The following DLEC1 variants were observed in gnomAD, a reference collection of about 807,000 sequenced individuals.
DLEC1 encodes DLEC1 cilia and flagella associated protein, also known as deleted in lung and esophageal cancer protein 1.
DLEC1 carries 146 observed loss-of-function variants against 198.1 expected under a neutral mutation model. That is an observed-to-expected ratio of 0.74 (90% CI 0.64 to 0.85). The LOEUF (loss-of-function observed/expected upper bound fraction) is 0.85, where lower values mean the gene tolerates loss of function less well. Among genes scored for constraint, DLEC1 ranks in the 40% least tolerant of loss-of-function variants. The pLI is 0.00. For missense variants in DLEC1, 2,233 were observed against 2,220.0 expected (o/e 1.01, Z -0.12); for synonymous variants, 897 against 866.8 (o/e 1.03, Z -0.61).
rs559962829 is a variant in DLEC1, at chr3:38,079,315, A to C, written c.1174-4843A>C. ...TTAAAAGAGTATTGTCTAAGTTAGC[A>C]CCAGAGTTGGGGAGTTTTAAGAGGT... On this transcript the variant is annotated intron_variant, in intron 6 of 36. Transcript: ENST00000308059. Among the ~76,000 whole-genome samples the C allele has an allele frequency of 2.7e-3, 406 of 152,232 alleles. 1 individual carries two copies. Among genetic ancestry groups the C allele is most frequent in the African/African-American group, 9.4e-3 (389 of 41,486 alleles).
chr3:38,122,838 A>AG lies in DLEC1; in HGVS notation c.*429dup. 1.2e-6 allele frequency: 1 copy of AG among 810,188 alleles called. No homozygotes were observed. The highest frequency in any genetic ancestry group is 2.7e-5 in the East Asian group (1 of 36,714). The allele number at this position is 810,188 out of a possible 1,614,324, so 50.2% of individuals were successfully genotyped here. On this transcript the variant is annotated 3_prime_UTR_variant, in exon 37 of 37. Coordinates refer to ENST00000308059, the MANE Select transcript of DLEC1 (RefSeq NM_007335.4). ...CTGCTTTTATCTTGCACAGCTAAAG[A>AG]GGGTCTGATGGGTGGCTCAACACCC...
intron 11 of DLEC1, among the ~76,000 whole-genome samples, chr3:38,093,265 G>T (rs181311387): frequency 6.6e-6 from 1 of 152,146 alleles, no homozygotes; most frequent in African/African-American, 2.4e-5. Context: ...CCTAGGAATC[G>T]TGACAAGATG....
intron 12 of DLEC1, 48 bp downstream of exon 12, chr3:38,093,815 T>C (rs1698871289): frequency 6.2e-7 from 1 of 1,604,296 alleles, no homozygotes; most frequent in Non-Finnish European, 8.5e-7. Context: ...TCTTCTTGCT[T>C]ACCTGGCCCT....
intron 6 of DLEC1, among the ~76,000 whole-genome samples, chr3:38,081,193 GA>G: frequency 7.1e-6 from 1 of 140,006 alleles, no homozygotes; most frequent in African/African-American, 2.7e-5. Flanking sequence ...AGAACAAAAT[GA>G]AAAGTCTCCC....
At chr3:38,084,518 G>GGTGGTGGTA (rs1698304540) in intron 7 of DLEC1, among the ~76,000 whole-genome samples, 1 of 78,222 alleles carries the variant, frequency 1.3e-5, no homozygotes, top group Non-Finnish European at 2.8e-5. Context: ...TAGTAGTAGT[G>GGTGGTGGTA]GTAGTAGTAG....
In DLEC1 at chr3:38,112,818, C is replaced by G. The variant is rs1033709675; in HGVS notation, c.3666+457C>G. Among the ~76,000 whole-genome samples, 3 of 152,108 alleles carry G rather than the reference C, an allele frequency of 2.0e-5. No individual in the cohort carries two copies. The highest frequency in any genetic ancestry group is 4.4e-5 in the Non-Finnish European group (3 of 68,016). ...ATGGAGTATCTACTGTGTGTGGGTT[C>G]CTGTGTGGGCCGCTGTAGTGTGGAG... On this transcript the variant is annotated intron_variant, in intron 25 of 36. Transcript: ENST00000308059. This position sits in a 1 kb window ranked among gnomAD's most constrained non-coding sequence, Gnocchi z 4.8.
intron 2 of DLEC1, among the ~76,000 whole-genome samples, chr3:38,055,607 G>A (rs1310520281): frequency 6.6e-6 from 1 of 152,106 alleles, no homozygotes; most frequent in Non-Finnish European, 1.5e-5. Flanking sequence ...GAGACTCAAG[G>A]AACTCACTGA....
intron 1 of DLEC1, 142 bp downstream of exon 1, chr3:38,039,778 G>C (rs890270175): frequency 8.8e-7 from 1 of 1,130,016 alleles, no homozygotes; most frequent in African/African-American, 1.6e-5. Context: ...AAGTGGGCCC[G>C]ACATTCTAGT....
chr3:38,068,551 C>A (rs1426070475), intron 6 of DLEC1, among the ~76,000 whole-genome samples: 7 of 152,196 alleles, frequency 4.6e-5, no homozygotes, highest in African/African-American at 1.7e-4. Context: ...CTAATGAGAA[C>A]AGTGTCAAAG....
chr3:38,082,774 C>G (rs1387022861), intron 6 of DLEC1, among the ~76,000 whole-genome samples: 1 of 151,448 alleles, frequency 6.6e-6, no homozygotes, highest in Non-Finnish European at 1.5e-5. Context: ...GGTTGGGGTA[C>G]TTGCCCCTCC....
Position 38,095,083 on chromosome 3 carries a change from G to A in DLEC1, c.2112+12G>A. 6.2e-7 allele frequency: 1 copy of A among 1,613,632 alleles called. No individual in the cohort carries two copies. Among genetic ancestry groups the A allele is most frequent in the Non-Finnish European group, 8.5e-7 (1 of 1,179,628 alleles). On this transcript the variant is annotated intron_variant, in intron 13 of 36. Transcript: ENST00000308059. The stretch of plus-strand genomic sequence containing the variant: ...TTTCTCCTCATGAGGTTCAGATGGT[G>A]TCATCTCAGTAGCCACACATGGTTG...
At chr3:38,117,422 A>G in intron 31 of DLEC1, 105 bp from the exon 32 acceptor site, 1 of 1,599,010 alleles carries the variant, frequency 6.3e-7, no homozygotes, top group Non-Finnish European at 8.6e-7. Flanking sequence ...AGAAGTCAGC[A>G]GAGGAGCCCA....
intron 6 of DLEC1, among the ~76,000 whole-genome samples, chr3:38,071,678 C>G (rs143952889): frequency 2.0e-5 from 3 of 152,162 alleles, no homozygotes; most frequent in Admixed American, 2.0e-4. Flanking sequence ...TGGGATCTGA[C>G]GCCTTTTGAT....
intron 19 of DLEC1, among the ~76,000 whole-genome samples, chr3:38,101,456 C>T (rs1226958116): frequency 6.6e-6 from 1 of 152,024 alleles, no homozygotes; most frequent in Non-Finnish European, 1.5e-5. Context: ...TATTTTGTTT[C>T]TAAAGTTGTG....
chr3:38,039,475 C>T lies in DLEC1; in HGVS notation c.250C>T (p.Pro84Ser), dbSNP rs201100943. ...RPEPQLLRLR[P>S]SSLRTQDISH... Reference sequence around the variant, plus strand: ...CGAGCCTCAGCTGCTTCGTCTGCGCCCCTCCTCGCTGCGCACCCAAGATAT... The same window carrying T: ...CGAGCCTCAGCTGCTTCGTCTGCGCTCCTCCTCGCTGCGCACCCAAGATAT... Residue 84 changes from proline to serine, a missense_variant, in exon 1 of 37, where the codon CCC becomes TCC. By Grantham distance (74) the Pro-to-Ser change is moderately conservative. Coordinates refer to ENST00000308059, the MANE Select transcript of DLEC1 (RefSeq NM_007335.4). The T allele has an allele frequency of 4.5e-4, 726 of 1,613,932 alleles. 10 individuals are homozygous for T. Among genetic ancestry groups the T allele is most frequent in the Admixed American group, 2.8e-4 (17 of 60,016 alleles).
At chr3:38,111,356 T>C (rs1334122356) in intron 23 of DLEC1, among the ~76,000 whole-genome samples, 1 of 152,196 alleles carries the variant, frequency 6.6e-6, no homozygotes, top group Non-Finnish European at 1.5e-5. Flanking sequence ...TGGGCTGGGT[T>C]TGTGTCCAGG....
chr3:38,059,310 G>A (rs1696554017), intron 2 of DLEC1, among the ~76,000 whole-genome samples: 1 of 152,228 alleles, frequency 6.6e-6, no homozygotes, highest in Admixed American at 6.5e-5. Context: ...CTGCACAAGT[G>A]CATTTCAAAC....
Position 38,086,313 on chromosome 3 carries a change from TG to T in DLEC1, c.1511del (p.Gly504ValfsTer18). ...VKMTRFICKN[V>X]GFSVGRFCIM... ...ATGACCAGATTCATCTGCAAAAATGTGGGTTTCAGTGTTGGCAGGTTCTGCA... is the reference window on the plus strand; with the variant it reads ...ATGACCAGATTCATCTGCAAAAATGTGGTTTCAGTGTTGGCAGGTTCTGCA... On this transcript the variant is annotated frameshift_variant, in exon 9 of 37. Transcript: ENST00000308059. LOFTEE classifies it high-confidence loss of function. 6.2e-7 allele frequency: 1 copy of T among 1,613,396 alleles called. No individual in the cohort carries two copies. The highest frequency in any genetic ancestry group is 1.3e-5 in the African/African-American group (1 of 75,038).
chr3:38,100,269 A>C lies in DLEC1; in HGVS notation c.2725-17A>C. 10 of 1,599,392 alleles carry C rather than the reference A, an allele frequency of 6.3e-6. No homozygotes were observed. Among genetic ancestry groups the C allele is most frequent in the Non-Finnish European group, 8.5e-6 (10 of 1,173,846 alleles). ...AGTGTCCTCAGTGCTCATCCTCCTG[A>C]GTGTTCTCCGGGGCAGGTGTCTCCC... On this transcript the variant is annotated splice_polypyrimidine_tract_variant and intron_variant, in intron 18 of 36. Transcript: ENST00000308059.
Sources: allele counts gnomAD v4.1 joint callset (sites outside exome capture counted in the v4.1 genomes callset), GRCh38; gene constraint gnomAD v4.1.1; non-coding constraint Gnocchi (gnomAD v3.1); transcripts MANE v1.5; gene names NCBI Gene and HGNC (gene_info 2026-07-23, HGNC 2026-07-21).